GALNT13: variants seen among roughly 807,000 people sequenced by gnomAD.
The protein encoded by GALNT13 is UDP-GalNAc:polypeptide N-acetylgalactosaminyltransferase 13.
Under a neutral mutation model 64.2 loss-of-function variants are expected in GALNT13, and 28 were observed. That is an observed-to-expected ratio of 0.44 (90% CI 0.32 to 0.60). GALNT13 has a LOEUF of 0.60. Among genes scored for constraint, GALNT13 ranks in the 20% least tolerant of loss-of-function variants. GALNT13 has a pLI of 0.05. For synonymous variants in GALNT13, 214 were observed against 224.6 expected (o/e 0.95, Z 0.42); for missense variants, 577 against 669.8 (o/e 0.86, Z 1.53).
At chr2:154,078,781 T>C (rs1559004) in intron 3 of GALNT13, among the ~76,000 whole-genome samples, 85,488 of 151,202 alleles carry the variant, frequency 0.57, 25,966 homozygotes, top group Middle Eastern at 0.7. Context: ...CACAGAAAGG[T>C]GGTAAATATA....
chr2:153,981,605 T>C (rs575226422), intron 3 of GALNT13, among the ~76,000 whole-genome samples: 1 of 152,280 alleles, frequency 6.6e-6, no homozygotes, highest in African/African-American at 2.4e-5. Flanking sequence ...ATTTTCTTAA[T>C]CCAGTCTATC....
chr2:153,970,928 T>C, intron 3 of GALNT13, among the ~76,000 whole-genome samples: 1 of 152,198 alleles, frequency 6.6e-6, no homozygotes, highest in East Asian at 1.9e-4. Context: ...ACATCTTTGC[T>C]AGCTCCCCAA....
chr2:153,825,841 G>T, the GALNT13 span, among the ~76,000 whole-genome samples: 1 of 152,132 alleles, frequency 6.6e-6, no homozygotes, highest in African/African-American at 2.4e-5. Context: ...CATTTTGTAT[G>T]AAGTTCATTT....
chr2:153,199,665 C>T, the GALNT13 span, among the ~76,000 whole-genome samples: 1 of 152,098 alleles, frequency 6.6e-6, no homozygotes, highest in Non-Finnish European at 1.5e-5. Flanking sequence ...TGATTATAGT[C>T]TAAAAATTTA....
At chr2:153,588,937 C>T in the GALNT13 span, among the ~76,000 whole-genome samples, 1 of 152,092 alleles carries the variant, frequency 6.6e-6, no homozygotes, top group African/African-American at 2.4e-5. Context: ...GAGGCCAAGG[C>T]AGGTGGATCA....
At chr2:153,158,540 C>T in the GALNT13 span, among the ~76,000 whole-genome samples, 20 of 152,036 alleles carry the variant, frequency 1.3e-4, no homozygotes, top group East Asian at 1.2e-3. Context: ...TAACATCTTA[C>T]GAGAGGATTC....
At chr2:153,220,686 C>A in the GALNT13 span, among the ~76,000 whole-genome samples, 1 of 152,338 alleles carries the variant, frequency 6.6e-6, no homozygotes, top group Non-Finnish European at 1.5e-5. Context: ...TCCTTTCTTT[C>A]ATTCCTGCTC....
At chr2:153,741,479 G>A in the GALNT13 span, among the ~76,000 whole-genome samples, 1 of 151,874 alleles carries the variant, frequency 6.6e-6, no homozygotes, top group East Asian at 1.9e-4. Context: ...TATAGTCTAT[G>A]TTTATTTTCT....
intron 9 of GALNT13, among the ~76,000 whole-genome samples, chr2:154,369,687 G>A (rs1322635951): frequency 1.3e-5 from 2 of 152,226 alleles, no homozygotes; most frequent in South Asian, 2.1e-4. Flanking sequence ...TTTAGAGGGG[G>A]CAGATATTCG....
chr2:154,410,437 CAGA>C (rs1364052631), intron 11 of GALNT13, among the ~76,000 whole-genome samples: 2 of 151,898 alleles, frequency 1.3e-5, no homozygotes, highest in African/African-American at 4.8e-5. Flanking sequence ...ATCAGCTGGT[CAGA>C]AGAGGACTGC....
intron 3 of GALNT13, among the ~76,000 whole-genome samples, chr2:154,041,119 T>A (rs961976950): frequency 1.4e-5 from 2 of 140,370 alleles, no homozygotes; most frequent in Admixed American, 1.4e-4. Context: ...GATAAGAAAT[T>A]CAGGGATTAT....
chr2:153,958,246 C>T (rs1172723435), intron 3 of GALNT13, among the ~76,000 whole-genome samples: 1 of 151,962 alleles, frequency 6.6e-6, no homozygotes, highest in Non-Finnish European at 1.5e-5. Context: ...AGTTGGGAGA[C>T]TGAGGAGACC....
At chr2:153,093,531 G>A in the GALNT13 span, among the ~76,000 whole-genome samples, 3 of 152,118 alleles carry the variant, frequency 2.0e-5, no homozygotes, top group Non-Finnish European at 1.5e-5. Flanking sequence ...GAGCCACCGT[G>A]TGTGGCTGAT....
At chr2:154,350,806 G>T (rs1696353940) in intron 9 of GALNT13, among the ~76,000 whole-genome samples, 1 of 152,160 alleles carries the variant, frequency 6.6e-6, no homozygotes, top group South Asian at 2.1e-4. Context: ...TTGTGTAGCA[G>T]CAGTGGAAGG....
In GALNT13 at chr2:153,990,005, C is replaced by T. The variant is rs16824469; in HGVS notation, c.142+45366C>T. On this transcript the variant is annotated intron_variant, in intron 3 of 12. Transcript: ENST00000392825. ...TGTTGGTTGAAATAGAACAACATAT[C>T]GAAGTAATTTTTCTTATCCCAGAGG... Among the ~76,000 whole-genome samples, 1,196 of 152,054 alleles carry T rather than the reference C, an allele frequency of 7.9e-3. 17 individuals are homozygous for T. Among genetic ancestry groups the T allele is most frequent in the African/African-American group, 0.027 (1,136 of 41,494 alleles).
At chr2:154,326,750 A>C (rs962850028) in intron 9 of GALNT13, among the ~76,000 whole-genome samples, 22 of 152,144 alleles carry the variant, frequency 1.4e-4, no homozygotes, top group Admixed American at 1.0e-3. Context: ...AACTGACCTA[A>C]GAATCAAAAT....
At chr2:153,889,436 A>G (rs1687401265) in intron 1 of GALNT13, among the ~76,000 whole-genome samples, 1 of 151,966 alleles carries the variant, frequency 6.6e-6, no homozygotes, top group South Asian at 2.1e-4. Flanking sequence ...ACCCCACACT[A>G]ACACACTCTA....
the GALNT13 span, among the ~76,000 whole-genome samples, chr2:153,353,312 C>A: frequency 6.6e-6 from 1 of 152,122 alleles, no homozygotes; most frequent in African/African-American, 2.4e-5. Flanking sequence ...CATTCTGCAA[C>A]CTTGCTATAA....
chr2:153,639,817 G>A, the GALNT13 span, among the ~76,000 whole-genome samples: 1 of 152,168 alleles, frequency 6.6e-6, no homozygotes, highest in Non-Finnish European at 1.5e-5. Flanking sequence ...GGGTACAACT[G>A]TGAAAATGTT....
Sources: allele counts gnomAD v4.1 joint callset (sites outside exome capture counted in the v4.1 genomes callset), GRCh38; gene constraint gnomAD v4.1.1; transcripts MANE v1.5; gene names NCBI Gene and HGNC (gene_info 2026-07-23, HGNC 2026-07-21).